Variants in NF1 observed in about 807,000 individuals in gnomAD.
NF1 encodes the protein neurofibromin 1, also known as neurofibromin.
In NF1, 122 loss-of-function variants were observed where a neutral mutation model predicts 325.7. That is an observed-to-expected ratio of 0.37 (90% CI 0.32 to 0.44). The LOEUF (loss-of-function observed/expected upper bound fraction) is 0.44, where lower values mean the gene tolerates loss of function less well. NF1 is among the 20% of genes least tolerant of loss of function. NF1 has a pLI of 1.00. For synonymous variants in NF1, 1,091 were observed against 1,186.0 expected (o/e 0.92, Z 1.65); for missense variants, 2,140 against 3,415.4 (o/e 0.63, Z 9.31).
chr17:31,213,349 C>A (rs1266845742), intron 12 of NF1, among the ~76,000 whole-genome samples: 1 of 152,134 alleles, frequency 6.6e-6, no homozygotes, highest in Non-Finnish European at 1.5e-5. Flanking sequence ...AGCTATTCTT[C>A]CCCGCAAGGA....
At chr17:31,318,483 A>G (rs2069086055) in intron 36 of NF1, 1 of 1,613,922 alleles carries the variant, frequency 6.2e-7, no homozygotes, top group Non-Finnish European at 8.5e-7. Flanking sequence ...CATTGCTTCT[A>G]GGCTGACGCT....
At chr17:31,201,777 C>T (rs2066535484) in intron 11 of NF1, among the ~76,000 whole-genome samples, 1 of 152,148 alleles carries the variant, frequency 6.6e-6, no homozygotes, top group Non-Finnish European at 1.5e-5. Flanking sequence ...AGAAAAATGT[C>T]ACTGAAAATA....
intron 1 of NF1, among the ~76,000 whole-genome samples, chr17:31,106,666 T>C (rs1400858215): frequency 1.3e-5 from 2 of 152,234 alleles, no homozygotes; most frequent in African/African-American, 2.4e-5. Context: ...TCAAGTTGGT[T>C]AGATGTTAGA....
chr17:31,291,228 TCCAGG>T (rs1164488759), intron 36 of NF1, among the ~76,000 whole-genome samples: 1 of 152,146 alleles, frequency 6.6e-6, no homozygotes, highest in East Asian at 1.9e-4. Context: ...TTTGATATGT[TCCAGG>T]TGCTGACTAA....
Position 31,235,706 on chromosome 17 carries a change from A to G in NF1, c.3804A>G (p.Ala1268=). 6.2e-7 allele frequency: 1 copy of G among 1,614,132 alleles called. No individual in the cohort carries two copies. The highest frequency in any genetic ancestry group is 1.1e-5 in the South Asian group (1 of 91,084). ...TGTTTTCTAAAGAAGTAGAATTGGC[A>G]GACTCCATGCAGACTCTCTTCCGAG... The part of the protein sequence containing the change: ...WNMFSKEVEL[A]DSMQTLFRGN... The change falls in exon 28 of 58, where the codon GCA becomes GCG. Residue 1268 remains alanine (A), a synonymous_variant. Transcript: ENST00000358273.
At chr17:31,101,860 CT>C (rs1009051250) in intron 1 of NF1, among the ~76,000 whole-genome samples, 1 of 151,968 alleles carries the variant, frequency 6.6e-6, no homozygotes, top group Admixed American at 6.6e-5. Flanking sequence ...GCTTTGTTTT[CT>C]TTTTTTCTTG....
At chr17:31,127,529 A>G (rs964661656) in intron 1 of NF1, among the ~76,000 whole-genome samples, 2 of 151,640 alleles carry the variant, frequency 1.3e-5, no homozygotes, top group Non-Finnish European at 2.9e-5. Context: ...TATACATGAT[A>G]TTTAAAAAGT....
chr17:31,139,744 G>A (rs1190758681), intron 1 of NF1, among the ~76,000 whole-genome samples: 1 of 152,188 alleles, frequency 6.6e-6, no homozygotes, highest in Admixed American at 6.5e-5. Context: ...ATAAAGGAAA[G>A]AGGCTGCTGG....
chr17:31,182,503 T>C lies in NF1; in HGVS notation c.731-5T>C, dbSNP rs1597659721. ...ATAATGTCATTTAATATATTTTTCATGCAGAATGTGCAGAAAAGCTATTTG... is the reference window on the plus strand; with the variant it reads ...ATAATGTCATTTAATATATTTTTCACGCAGAATGTGCAGAAAAGCTATTTG... On this transcript the variant is annotated splice_region_variant and splice_polypyrimidine_tract_variant and intron_variant, in intron 7 of 57. Coordinates refer to ENST00000358273, the MANE Select transcript of NF1 (RefSeq NM_001042492.3). The C allele has an allele frequency of 6.2e-7, 1 of 1,613,726 alleles. No individual in the cohort carries two copies. The highest frequency in any genetic ancestry group is 1.3e-5 in the African/African-American group (1 of 74,938).
At chr17:31,144,176 A>T (rs1916428426) in intron 1 of NF1, among the ~76,000 whole-genome samples, 2 of 152,200 alleles carry the variant, frequency 1.3e-5, no homozygotes, top group South Asian at 4.1e-4. Flanking sequence ...TATTCTTCCA[A>T]ATTAACTTCA....
At chr17:31,312,518 C>CAA (rs951056099) in intron 36 of NF1, among the ~76,000 whole-genome samples, 3 of 60,132 alleles carry the variant, frequency 5.0e-5, no homozygotes, top group Non-Finnish European at 6.9e-5. Context: ...GACTCCATCT[C>CAA]AAAAAAAAAA....
chr17:31,368,461 T>G (rs1280690690), intron 57 of NF1, among the ~76,000 whole-genome samples: 4 of 152,208 alleles, frequency 2.6e-5, no homozygotes, highest in Admixed American at 1.3e-4. Flanking sequence ...AGTTACAATT[T>G]TTTATATTTA....
intron 36 of NF1, chr17:31,296,989 A>G (rs1006823712): frequency 6.6e-6 from 1 of 152,434 alleles, no homozygotes; most frequent in Non-Finnish European, 1.5e-5. Context: ...GTATATTTAC[A>G]GAGTGACTGA....
chr17:31,155,214 T>G (rs1304642816), intron 1 of NF1, among the ~76,000 whole-genome samples: 1 of 152,206 alleles, frequency 6.6e-6, no homozygotes, highest in Non-Finnish European at 1.5e-5. Context: ...CAGGGTTTAA[T>G]ATTAACAGTA....
intron 36 of NF1, among the ~76,000 whole-genome samples, chr17:31,324,043 A>G (rs1007604166): frequency 6.6e-6 from 1 of 152,118 alleles, no homozygotes; most frequent in African/African-American, 2.4e-5. Flanking sequence ...TGTACATATT[A>G]ATGGAGTATG....
intron 5 of NF1, among the ~76,000 whole-genome samples, chr17:31,171,507 A>G (rs1359411474): frequency 6.6e-6 from 1 of 152,222 alleles, no homozygotes; most frequent in African/African-American, 2.4e-5. Context: ...TGTTTAAAAC[A>G]ATAGAAATGT....
intron 2 of NF1, among the ~76,000 whole-genome samples, chr17:31,158,595 A>G (rs914483532): frequency 2.6e-5 from 4 of 152,170 alleles, no homozygotes; most frequent in African/African-American, 9.7e-5. Flanking sequence ...ATTCATTTTG[A>G]GGATAGTGAG....
Position 31,193,154 on chromosome 17 carries a change from G to A in NF1, c.889-7268G>A, listed in dbSNP as rs115549304. On this transcript the variant is annotated intron_variant, in intron 8 of 57. Coordinates refer to ENST00000358273, the MANE Select transcript of NF1 (RefSeq NM_001042492.3). Reference sequence around the variant, plus strand: ...TGGTCTTTAGACCAGCAGCATCAGCGTCACCTGGAAATTTGTGAGAAATGC... The same window carrying A: ...TGGTCTTTAGACCAGCAGCATCAGCATCACCTGGAAATTTGTGAGAAATGC... 2.1e-3 allele frequency among the ~76,000 whole-genome samples: 326 copies of A among 152,222 alleles called. 1 individual carries two copies. Among genetic ancestry groups the A allele is most frequent in the African/African-American group, 7.4e-3 (306 of 41,534 alleles).
chr17:31,299,721 A>G (rs2068536426), intron 36 of NF1: 1 of 152,116 alleles, frequency 6.6e-6, no homozygotes, highest in African/African-American at 2.4e-5. Context: ...AGTACTTTAA[A>G]AGCATGAAAG....
Sources: allele counts gnomAD v4.1 joint callset (sites outside exome capture counted in the v4.1 genomes callset), GRCh38; gene constraint gnomAD v4.1.1; transcripts MANE v1.5; gene names NCBI Gene and HGNC (gene_info 2026-07-23, HGNC 2026-07-21).